Variants in SCAPER observed in about 807,000 individuals in gnomAD.
SCAPER encodes the protein S-phase cyclin A associated protein in the ER, also known as S phase cyclin A-associated protein in the endoplasmic reticulum.
Under a neutral mutation model 182.2 loss-of-function variants are expected in SCAPER, and 98 were observed. The ratio of observed to expected loss-of-function variants is 0.54; its 90% confidence interval spans 0.46 to 0.64. The LOEUF (loss-of-function observed/expected upper bound fraction) is 0.64, where lower values mean the gene tolerates loss of function less well. SCAPER is among the 30% of genes least tolerant of loss of function. The pLI is 0.00. For missense variants in SCAPER, 1,432 were observed against 1,690.0 expected, an observed-to-expected ratio of 0.85 and a Z score of 2.68; for synonymous variants, 605 against 564.6, an observed-to-expected ratio of 1.07 and a Z score of -1.01.
intron 22 of SCAPER, among the ~76,000 whole-genome samples, chr15:76,595,755 T>A (rs2049447635): frequency 8.2e-6 from 1 of 121,946 alleles, no homozygotes; most frequent in African/African-American, 2.5e-5. Context: ...AATAAGTTCT[T>A]TGAAACCAAT....
At chr15:76,548,692 G>T (rs1222265860) in intron 23 of SCAPER, among the ~76,000 whole-genome samples, 1 of 152,140 alleles carries the variant, frequency 6.6e-6, no homozygotes, top group East Asian at 1.9e-4. Flanking sequence ...CAAGCAATGG[G>T]GAAAGGATTC....
chr15:76,385,259 C>T (rs2043221531), intron 27 of SCAPER: 1 of 152,190 alleles, frequency 6.6e-6, no homozygotes, highest in Non-Finnish European at 1.5e-5. Context: ...ACCACTTATA[C>T]ACTGGGCCTT....
rs952198998 is a variant in SCAPER at position 76,404,546 on chromosome 15, G to A, written c.3445C>T (p.Leu1149=). ...AAGLLHAMCT[L]CFAVTGRSYS... is the part of the protein sequence containing the mutation. ...TACCTTCCAGTGACAGCAAAGCACA[G>A]TGTACACATTGCATGTAAGAGTCCT... is the stretch of plus-strand genomic sequence containing the variant. Residue 1149 remains leucine (L), a synonymous_variant, in exon 27 of 32, where the codon CTG becomes TTG. Coordinates refer to ENST00000563290, the MANE Select transcript of SCAPER (RefSeq NM_020843.4). 1.9e-6 allele frequency: 3 copies of A among 1,612,738 alleles called. No homozygotes were observed. The highest frequency in any genetic ancestry group is 2.5e-6 in the Non-Finnish European group (3 of 1,179,330).
intron 22 of SCAPER, among the ~76,000 whole-genome samples, chr15:76,605,712 G>T (rs2050327931): frequency 6.6e-6 from 1 of 152,160 alleles, no homozygotes; most frequent in Non-Finnish European, 1.5e-5. Context: ...CCTGTTATTA[G>T]TCTATTCAGA....
intron 5 of SCAPER, among the ~76,000 whole-genome samples, chr15:76,834,715 T>C (rs1208224154): frequency 6.6e-6 from 1 of 152,042 alleles, no homozygotes; most frequent in Non-Finnish European, 1.5e-5. Context: ...ATGACAAAGT[T>C]CACATTACCA....
At chr15:76,826,539 G>A (rs560117076) in intron 5 of SCAPER, among the ~76,000 whole-genome samples, 3 of 146,980 alleles carry the variant, frequency 2.0e-5, no homozygotes, top group Non-Finnish European at 4.5e-5. Context: ...TTGTGCACAT[G>A]TACCCTAAAA....
At chr15:76,557,981 C>A (rs903719039) in intron 23 of SCAPER, among the ~76,000 whole-genome samples, 1 of 152,036 alleles carries the variant, frequency 6.6e-6, no homozygotes, top group African/African-American at 2.4e-5. Flanking sequence ...TTTCTTACAC[C>A]ATATAAAAAA....
At chr15:76,805,615 A>G (rs1231073816) in intron 5 of SCAPER, among the ~76,000 whole-genome samples, 3 of 134,438 alleles carry the variant, frequency 2.2e-5, no homozygotes, top group African/African-American at 8.5e-5. Flanking sequence ...GCTGGAGTGC[A>G]GTGGCGTGAT....
At chr15:76,615,492 GACACACACACACACAC>G (rs200914871) in intron 22 of SCAPER, among the ~76,000 whole-genome samples, 2,133 of 140,754 alleles carry the variant, frequency 0.015, 51 homozygotes, top group African/African-American at 0.053. Context: ...CACACACACA[GACACACACACACACAC>G]ACACACACAC....
At chr15:76,461,466 T>C (rs974162010) in intron 25 of SCAPER, among the ~76,000 whole-genome samples, 1 of 148,768 alleles carries the variant, frequency 6.7e-6, no homozygotes, top group Non-Finnish European at 1.5e-5. Context: ...TATTTATTAC[T>C]TTGGTTTTTG....
intron 17 of SCAPER, among the ~76,000 whole-genome samples, chr15:76,713,941 A>G (rs564525616): frequency 3.9e-5 from 6 of 152,304 alleles, no homozygotes; most frequent in Middle Eastern, 3.4e-3. Context: ...GCAAACATCC[A>G]TATCAGCTTT....
intron 23 of SCAPER, among the ~76,000 whole-genome samples, chr15:76,548,570 C>T (rs527351878): frequency 1.3e-5 from 2 of 152,250 alleles, no homozygotes; most frequent in South Asian, 2.1e-4. Flanking sequence ...CATCTGTAAG[C>T]GCCACTGGTG....
intron 22 of SCAPER, among the ~76,000 whole-genome samples, chr15:76,576,152 A>G (rs1446341748): frequency 6.6e-6 from 1 of 152,180 alleles, no homozygotes; most frequent in Non-Finnish European, 1.5e-5. Context: ...ACTTGAAGCC[A>G]GGAATCTGAG....
intron 23 of SCAPER, among the ~76,000 whole-genome samples, chr15:76,548,148 C>T (rs747266714): frequency 6.6e-6 from 1 of 151,870 alleles, no homozygotes; most frequent in East Asian, 1.9e-4. Flanking sequence ...TTGCTGCTAG[C>T]GCTCATTTAA....
At chr15:76,865,463 A>T (rs1370996024) in intron 2 of SCAPER, among the ~76,000 whole-genome samples, 2 of 152,196 alleles carry the variant, frequency 1.3e-5, no homozygotes, top group Non-Finnish European at 2.9e-5. Flanking sequence ...AAACAGAATG[A>T]TGAGAAAAAT....
At chr15:76,829,048 A>T (rs1160078990) in intron 5 of SCAPER, among the ~76,000 whole-genome samples, 1 of 152,228 alleles carries the variant, frequency 6.6e-6, no homozygotes, top group Non-Finnish European at 1.5e-5. Context: ...AAAAATTTGA[A>T]ACCAACCTAA....
chr15:76,758,775 T>G (rs181221401), intron 14 of SCAPER, among the ~76,000 whole-genome samples: 3 of 152,290 alleles, frequency 2.0e-5, no homozygotes, highest in Admixed American at 2.0e-4. Context: ...AATTTATAAT[T>G]TTCACTATAC....
At chr15:76,859,731 T>G (rs2071714159) in intron 3 of SCAPER, among the ~76,000 whole-genome samples, 1 of 152,144 alleles carries the variant, frequency 6.6e-6, no homozygotes, top group African/African-American at 2.4e-5. Context: ...GGTTTTGTTT[T>G]GTTTTGTTTT....
chr15:76,771,101 G>A (rs1568078478), intron 10 of SCAPER, among the ~76,000 whole-genome samples: 1 of 152,000 alleles, frequency 6.6e-6, no homozygotes, highest in Non-Finnish European at 1.5e-5. Context: ...ATTTTTCACA[G>A]CTTTTTATAT....
Sources: gnomAD v4.1 joint callset for allele counts (sites outside exome capture counted in the v4.1 genomes callset) on GRCh38, gnomAD v4.1.1 for gene constraint, MANE v1.5 for transcripts, NCBI Gene and HGNC (gene_info 2026-07-23, HGNC 2026-07-21) for gene names.